ZCCHC14: variants seen among roughly 807,000 people sequenced by gnomAD.
ZCCHC14 encodes zinc finger CCHC domain-containing protein 14.
A neutral mutation model predicts 85.0 loss-of-function variants in ZCCHC14; 16 were observed. That is an observed-to-expected ratio of 0.19 (90% CI 0.13 to 0.29). The LOEUF is 0.29. Ranked by LOEUF, ZCCHC14 falls within the 10% of genes least tolerant of loss-of-function variation. ZCCHC14 has a pLI of 1.00. For missense variants in ZCCHC14, 1,303 were observed against 1,443.5 expected, an observed-to-expected ratio of 0.90 and a Z score of 1.58; for synonymous variants, 775 against 630.7, an observed-to-expected ratio of 1.23 and a Z score of -3.43.
intron 1 of ZCCHC14, among the ~76,000 whole-genome samples, chr16:87,465,868 G>A (rs535186757): frequency 7.6e-4 from 115 of 152,174 alleles, no homozygotes; most frequent in African/African-American, 2.6e-3. Flanking sequence ...GTCTCACCAT[G>A]TTACCCAGGC....
chr16:87,427,015 G>A (rs754241330), intron 3 of ZCCHC14, among the ~76,000 whole-genome samples: 13 of 152,258 alleles, frequency 8.5e-5, no homozygotes, highest in Non-Finnish European at 1.9e-4. Flanking sequence ...GCGGGCTCGC[G>A]TGCACGCCAG....
At chr16:87,477,151 A>AAAAAAAAAC (rs1912054945) in intron 1 of ZCCHC14, among the ~76,000 whole-genome samples, 24 of 142,250 alleles carry the variant, frequency 1.7e-4, no homozygotes, top group African/African-American at 6.7e-4. Flanking sequence ...ACAAAACAAA[A>AAAAAAAAAC]CCAAAAAAAA....
chr16:87,423,608 C>T (rs1909216391), intron 4 of ZCCHC14, among the ~76,000 whole-genome samples: 1 of 152,140 alleles, frequency 6.6e-6, no homozygotes, highest in South Asian at 2.1e-4. Flanking sequence ...AGGAGGCATC[C>T]GCGGGGTCAC....
rs1331253614 is a variant in ZCCHC14, at chr16:87,406,604, T to G, written c.*3676A>C. On this transcript the variant is annotated 3_prime_UTR_variant, in exon 13 of 13. Coordinates refer to ENST00000671377, the MANE Select transcript of ZCCHC14 (RefSeq NM_015144.3). ...CCAAAGCCTTCTCTTTTTGTGCACG[T>G]AAGACTCACACATGTGATGAGGGCT... The G allele has an allele frequency of 6.6e-6, 1 of 152,354 alleles. No homozygotes were observed. Among genetic ancestry groups the G allele is most frequent in the East Asian group, 1.9e-4 (1 of 5,196 alleles). 9.4% of individuals were successfully genotyped at this position (152,354 alleles called of 1,614,324 possible).
chr16:87,422,347 A>C (rs1426191105), intron 4 of ZCCHC14, among the ~76,000 whole-genome samples: 1 of 152,188 alleles, frequency 6.6e-6, no homozygotes, highest in Admixed American at 6.5e-5. Context: ...CGGCAGCACC[A>C]GGGGTCTGAG....
Position 87,420,038 on chromosome 16 carries a change from C to G in ZCCHC14, c.951-161G>C, listed in dbSNP as rs1909010446. Among the ~76,000 whole-genome samples, 1 of 152,228 alleles carries G rather than the reference C, an allele frequency of 6.6e-6. No individual in the cohort carries two copies. The highest frequency in any genetic ancestry group is 1.5e-5 in the Non-Finnish European group (1 of 68,038). On this transcript the variant is annotated intron_variant, in intron 5 of 12. Coordinates refer to ENST00000671377, the MANE Select transcript of ZCCHC14 (RefSeq NM_015144.3). The surrounding 1 kb of genome is among the most constrained non-coding windows in gnomAD (Gnocchi z 5.0). ...CTTCCTGCTTTAATTCAACTGAGTT[C>G]TTGCCCGACTGCCACTGCTTCTTCA... is the stretch of plus-strand genomic sequence containing the variant.
intron 2 of ZCCHC14, among the ~76,000 whole-genome samples, chr16:87,450,612 C>T (rs1033497555): frequency 5.3e-5 from 8 of 150,378 alleles, no homozygotes; most frequent in African/African-American, 1.7e-4. Context: ...CTCCTGTTGC[C>T]CAGACTGGAG....
At chr16:87,410,614 G>T (rs1278967692) in intron 12 of ZCCHC14, among the ~76,000 whole-genome samples, 1 of 152,190 alleles carries the variant, frequency 6.6e-6, no homozygotes, top group Non-Finnish European at 1.5e-5. Context: ...ACGTCAGGCG[G>T]GCTGCTCTAA....
intron 2 of ZCCHC14, among the ~76,000 whole-genome samples, chr16:87,448,914 G>A (rs1170268933): frequency 6.6e-6 from 1 of 152,016 alleles, no homozygotes; most frequent in Non-Finnish European, 1.5e-5. Flanking sequence ...TCCTATCCTT[G>A]AATTTGGAGC....
At position 87,406,298 on chromosome 16, in the gene ZCCHC14, A is replaced by T. The variant is rs1908198744; in HGVS notation, c.*3982T>A. 6.6e-6 allele frequency: 1 copy of T among 152,630 alleles called. No individual in the cohort carries two copies. Among genetic ancestry groups the T allele is most frequent in the Non-Finnish European group, 1.5e-5 (1 of 68,038 alleles). The allele number at this position is 152,630 out of a possible 1,614,324, so 9.5% of individuals were successfully genotyped here. On this transcript the variant is annotated 3_prime_UTR_variant, in exon 13 of 13. Transcript: ENST00000671377. ...GTACATTAAATTTACTCATAAAAAC[A>T]TTCTAAAAATGTACAATTTGTCCTT...
In ZCCHC14 at chr16:87,407,438, C is replaced by G. The variant is rs536280895; in HGVS notation, c.*2842G>C. The G allele has an allele frequency of 6.6e-6, 1 of 152,346 alleles. No individual in the cohort carries two copies. Among genetic ancestry groups the G allele is most frequent in the Admixed American group, 6.5e-5 (1 of 15,300 alleles). The allele number at this position is 152,346 out of a possible 1,614,324, so 9.4% of individuals were successfully genotyped here. A position where few individuals can be genotyped will look rare whatever the true frequency, so the allele number is the denominator to read the frequency against. The stretch of plus-strand genomic sequence containing the variant: ...TTTAGCAATGAGTTTTTATGTTAAA[C>G]ACTTCCAACTGTCAGTATTACCATG... On this transcript the variant is annotated 3_prime_UTR_variant, in exon 13 of 13. Coordinates refer to ENST00000671377, the MANE Select transcript of ZCCHC14 (RefSeq NM_015144.3).
chr16:87,435,124 G>A (rs954842162), intron 2 of ZCCHC14, among the ~76,000 whole-genome samples: 5 of 151,288 alleles, frequency 3.3e-5, no homozygotes, highest in African/African-American at 9.7e-5. Flanking sequence ...TTTTTTAAAC[G>A]ATTCCCCACA....
chr16:87,418,489 T>C (rs563835845), intron 7 of ZCCHC14, among the ~76,000 whole-genome samples: 1 of 152,176 alleles, frequency 6.6e-6, no homozygotes, highest in Non-Finnish European at 1.5e-5. Flanking sequence ...GTTGCCGGCA[T>C]ACGACTGCAG....
intron 2 of ZCCHC14, among the ~76,000 whole-genome samples, chr16:87,439,137 C>CTTTTTT (rs551734590): frequency 6.9e-6 from 1 of 145,720 alleles, no homozygotes. Flanking sequence ...CATACAAGTT[C>CTTTTTT]TTTTTTTTTT....
chr16:87,481,558 T>A (rs80004676), intron 1 of ZCCHC14, among the ~76,000 whole-genome samples: 6 of 10,640 alleles, frequency 5.6e-4, no homozygotes, highest in East Asian at 4.0e-3. Flanking sequence ...GGGGGAAGGG[T>A]AAGCGGGAGG....
At chr16:87,436,481 G>A (rs1180595561) in intron 2 of ZCCHC14, among the ~76,000 whole-genome samples, 1 of 152,256 alleles carries the variant, frequency 6.6e-6, no homozygotes, top group Non-Finnish European at 1.5e-5. Context: ...CTAGTGCGGG[G>A]GCTGGGTGAC....
At chr16:87,441,048 G>C (rs1910159265) in intron 2 of ZCCHC14, among the ~76,000 whole-genome samples, 1 of 149,906 alleles carries the variant, frequency 6.7e-6, no homozygotes, top group Non-Finnish European at 1.5e-5. Flanking sequence ...CTGTCACCCA[G>C]GCTGGAGTGC....
At chr16:87,459,711 G>A (rs939853223) in intron 2 of ZCCHC14, among the ~76,000 whole-genome samples, 2 of 152,062 alleles carry the variant, frequency 1.3e-5, no homozygotes, top group African/African-American at 2.4e-5. Flanking sequence ...GTTTCTTCAT[G>A]TTGGTCAGGC....
At chr16:87,461,346 A>G (rs980837413) in intron 1 of ZCCHC14, among the ~76,000 whole-genome samples, 1 of 152,266 alleles carries the variant, frequency 6.6e-6, no homozygotes, top group African/African-American at 2.4e-5. Flanking sequence ...AAACACATTT[A>G]TAACTTATAG....
Sources: allele counts gnomAD v4.1 joint callset (sites outside exome capture counted in the v4.1 genomes callset), GRCh38; gene constraint gnomAD v4.1.1; non-coding constraint Gnocchi (gnomAD v3.1); transcripts MANE v1.5; gene names NCBI Gene and HGNC (gene_info 2026-07-23, HGNC 2026-07-21).